The following DENND5A variants were observed in gnomAD, a reference collection of about 807,000 sequenced individuals.
DENND5A encodes the protein DENN domain-containing protein 5A.
In DENND5A, 64 loss-of-function variants were observed where a neutral mutation model predicts 140.3. The observed-to-expected ratio is 0.46, with a 90% confidence interval of 0.37 to 0.56. DENND5A has a LOEUF of 0.56. Ranked by LOEUF, DENND5A falls within the 20% of genes least tolerant of loss-of-function variation. The pLI is 0.00. For synonymous variants in DENND5A, 605 were observed against 607.7 expected (o/e 1.00, Z 0.07); for missense variants, 1,292 against 1,593.8 (o/e 0.81, Z 3.22).
At chr11:9,192,860 T>TA (rs1849184928) in intron 5 of DENND5A, among the ~76,000 whole-genome samples, 1 of 152,208 alleles carries the variant, frequency 6.6e-6, no homozygotes, top group Non-Finnish European at 1.5e-5. Flanking sequence ...AAATTAAAAA[T>TA]AAAAAATCTT....
chr11:9,182,520 C>T (rs993600869), intron 5 of DENND5A, among the ~76,000 whole-genome samples: 4 of 152,146 alleles, frequency 2.6e-5, no homozygotes, highest in African/African-American at 7.2e-5. Flanking sequence ...TCCTCTTTAG[C>T]GGTCTTGTAC....
At chr11:9,245,067 G>A (rs1851409435) in intron 1 of DENND5A, among the ~76,000 whole-genome samples, 1 of 150,638 alleles carries the variant, frequency 6.6e-6, no homozygotes, top group African/African-American at 2.4e-5. Context: ...GGTGAATCAC[G>A]AGGTCAGGAG....
chr11:9,166,029 T>G, intron 10 of DENND5A, 62 bp from the exon 11 acceptor site: 1 of 1,511,088 alleles, frequency 6.6e-7, no homozygotes, highest in Non-Finnish European at 9.1e-7. Context: ...AGGTCAGCAG[T>G]ACTGGTGGGT....
At chr11:9,214,439 C>T (rs1362418778) in intron 1 of DENND5A, among the ~76,000 whole-genome samples, 1 of 152,176 alleles carries the variant, frequency 6.6e-6, no homozygotes, top group African/African-American at 2.4e-5. Context: ...ACTATCAGCA[C>T]TTTTTAAATA....
At chr11:9,206,573 T>A in intron 3 of DENND5A, 100 bp downstream of exon 3, 1 of 834,158 alleles carries the variant, frequency 1.2e-6, no homozygotes, top group East Asian at 2.4e-5. Flanking sequence ...TCAAAAGTTA[T>A]TGGTATTTGG....
chr11:9,222,896 A>C (rs867401843), intron 1 of DENND5A, among the ~76,000 whole-genome samples: 3 of 152,254 alleles, frequency 2.0e-5, no homozygotes, highest in Non-Finnish European at 2.9e-5. Context: ...AGTTGCCACA[A>C]GCTCTTGCTA....
chr11:9,186,833 C>A (rs11042210), intron 5 of DENND5A, among the ~76,000 whole-genome samples: 17,852 of 152,200 alleles, frequency 0.12, 1,108 homozygotes, highest in South Asian at 0.17. Context: ...GTAATCCCAG[C>A]ACTTTGGGAG....
At chr11:9,190,701 TA>T (rs1018744509) in intron 5 of DENND5A, among the ~76,000 whole-genome samples, 2 of 152,190 alleles carry the variant, frequency 1.3e-5, no homozygotes, top group Non-Finnish European at 2.9e-5. Context: ...AGACTGTAGT[TA>T]AAAGATACCA....
intron 1 of DENND5A, among the ~76,000 whole-genome samples, chr11:9,232,318 C>T (rs978590582): frequency 5.9e-5 from 9 of 151,876 alleles, no homozygotes; most frequent in South Asian, 2.1e-4. Context: ...AATATATTTG[C>T]ACTATATATA....
chr11:9,256,338 T>A (rs1851945731), intron 1 of DENND5A, among the ~76,000 whole-genome samples: 1 of 151,930 alleles, frequency 6.6e-6, no homozygotes, highest in Non-Finnish European at 1.5e-5. Flanking sequence ...TACATGCCTG[T>A]AATCCCAGCT....
intron 12 of DENND5A, among the ~76,000 whole-genome samples, chr11:9,156,613 C>A (rs1386522742): frequency 6.8e-6 from 1 of 146,398 alleles, no homozygotes; most frequent in Non-Finnish European, 1.5e-5. Context: ...GGCAACAGAG[C>A]GAGACTCCGT....
At chr11:9,215,654 TCTC>T (rs1334216375) in intron 1 of DENND5A, among the ~76,000 whole-genome samples, 1 of 151,500 alleles carries the variant, frequency 6.6e-6, no homozygotes, top group South Asian at 2.1e-4. Flanking sequence ...TTCAGGCAAT[TCTC>T]CTGTCTCAGC....
chr11:9,184,110 T>C (rs1848824290), intron 5 of DENND5A, among the ~76,000 whole-genome samples: 1 of 151,994 alleles, frequency 6.6e-6, no homozygotes, highest in Admixed American at 6.5e-5. Context: ...CCCAGCACTT[T>C]GGGAGGCCGA....
intron 11 of DENND5A, among the ~76,000 whole-genome samples, chr11:9,164,340 G>A (rs557024658): frequency 2.0e-4 from 30 of 150,220 alleles, no homozygotes; most frequent in Admixed American, 6.7e-4. Flanking sequence ...GGCATGAGCC[G>A]CTGTGCCCTG....
rs1382705267 is a variant in DENND5A, at chr11:9,199,033, G to C, written c.949+4627C>G. ...GATCATGCCACTGCATTCTAGCTTA[G>C]GCAACAAGAGCAAACTCCGTCTCAA... is the stretch of plus-strand genomic sequence containing the variant. On this transcript the variant is annotated intron_variant, in intron 4 of 22. Transcript: ENST00000328194. Among the ~76,000 whole-genome samples, 2 of 81,434 alleles carry C rather than the reference G, an allele frequency of 2.5e-5. 1 individual carries two copies. The highest frequency in any genetic ancestry group is 5.2e-5 in the Non-Finnish European group (2 of 38,164). The allele number at this position is 81,434 out of a possible 152,430, so 53.4% of individuals were successfully genotyped here.
At chr11:9,166,071 CTTTT>C in intron 10 of DENND5A, 104 bp from the exon 11 acceptor site, 20 of 1,011,102 alleles carry the variant, frequency 2.0e-5, no homozygotes, top group South Asian at 1.0e-4. Flanking sequence ...CTCACATTTT[CTTTT>C]TTTTTCTTTT....
At chr11:9,264,806 T>G (rs921442111) in intron 1 of DENND5A, among the ~76,000 whole-genome samples, 155 bp downstream of exon 1, 1 of 151,826 alleles carries the variant, frequency 6.6e-6, no homozygotes, top group Non-Finnish European at 1.5e-5. Context: ...GTTTCCCCCC[T>G]CCAGTCCAAA....
In DENND5A at chr11:9,228,601, T is replaced by C. The variant is rs188497535; in HGVS notation, c.110-20969A>G. Among the ~76,000 whole-genome samples, 4 of 151,318 alleles carry C rather than the reference T, an allele frequency of 2.6e-5. No individual in the cohort carries two copies. The East Asian group carries it at 7.8e-4, about 29-fold the overall frequency. On this transcript the variant is annotated intron_variant, in intron 1 of 22. Coordinates refer to ENST00000328194, the MANE Select transcript of DENND5A (RefSeq NM_015213.4). ...CCATTTCTATTAAAAATACAAAAATTAGCCGGGTGTGGTGGCATGCGGCAG... is the reference window on the plus strand; with the variant it reads ...CCATTTCTATTAAAAATACAAAAATCAGCCGGGTGTGGTGGCATGCGGCAG...
rs571373639 is a variant in DENND5A, at chr11:9,177,994, CAAGG to C, written c.1906+134_1906+137del. ...AGAAGATAACCAGGCAAAAAGAAAA[CAAGG>C]AAGAAGACTGCAGGCAATGGGAACC... On this transcript the variant is annotated intron_variant, in intron 8 of 22. Coordinates refer to ENST00000328194, the MANE Select transcript of DENND5A (RefSeq NM_015213.4). 628 of 697,006 alleles carry C rather than the reference CAAGG, an allele frequency of 9.0e-4. 2 individuals carry two copies. In the African/African-American group the frequency reaches 0.01, roughly 11 times the overall value. 43.2% of individuals were successfully genotyped at this position (697,006 alleles called of 1,614,324 possible).
Sources: gnomAD v4.1 joint callset for allele counts (sites outside exome capture counted in the v4.1 genomes callset) on GRCh38, gnomAD v4.1.1 for gene constraint, MANE v1.5 for transcripts, NCBI Gene and HGNC (gene_info 2026-07-23, HGNC 2026-07-21) for gene names.